The following NPHP4 variants were observed in gnomAD, a reference collection of about 807,000 sequenced individuals.
NPHP4 encodes the protein nephrocystin-4.
NPHP4 carries 151 observed loss-of-function variants against 155.8 expected under a neutral mutation model. The ratio of observed to expected loss-of-function variants is 0.97; its 90% CI spans 0.85 to 1.11. NPHP4 has a LOEUF of 1.11. NPHP4 is among the 50% of genes least tolerant of loss of function. The pLI is 0.00. For synonymous variants in NPHP4, 845 were observed against 816.8 expected, an observed-to-expected ratio of 1.03 and a Z score of -0.59; for missense variants, 1,956 against 1,925.7, an observed-to-expected ratio of 1.02 and a Z score of -0.29.
intron 3 of NPHP4, among the ~76,000 whole-genome samples, chr1:5,972,362 A>ATC (rs5772213): frequency 0.96 from 146,609 of 152,288 alleles, 70,671 homozygotes; most frequent in East Asian, 1. Context: ...GGGGGAGCCC[A>ATC]GATTTCCACA....
intron 5 of NPHP4, among the ~76,000 whole-genome samples, chr1:5,964,939 A>ATTTTTTTTTTTTTTTTTTTTT (rs1232148646): frequency 3.2e-5 from 2 of 62,706 alleles, no homozygotes; most frequent in Admixed American, 2.1e-4. Context: ...ATATATATAT[A>ATTTTTTTTTTTTTTTTTTTTT]TATTTTTTTT....
rs776912822 is a variant in NPHP4, at chr1:5,877,302, C to T, written c.2612-4G>A. Reference sequence around the variant, plus strand: ...TGTGCTTGCACCACGTGTTTTCCTGCGAAAGGGTCAGAGCGCGAGTCAGGT... The same window carrying T: ...TGTGCTTGCACCACGTGTTTTCCTGTGAAAGGGTCAGAGCGCGAGTCAGGT... On this transcript the variant is annotated splice_polypyrimidine_tract_variant and splice_region_variant and intron_variant, in intron 19 of 29. Coordinates refer to ENST00000378156, the MANE Select transcript of NPHP4 (RefSeq NM_015102.5). 23 of 1,587,040 alleles carry T rather than the reference C, an allele frequency of 1.4e-5. No homozygotes were observed. The highest frequency in any genetic ancestry group is 7.9e-5 in the South Asian group (7 of 88,728).
Position 5,909,223 on chromosome 1 carries a change from A to G in NPHP4, c.1442-10T>C. The G allele has an allele frequency of 6.3e-7, 1 of 1,599,156 alleles. No individual in the cohort carries two copies. The stretch of plus-strand genomic sequence containing the variant: ...ACTGGCGCTGGCGGGCCTGGGAGGA[A>G]GCACAGTGGGGTAGGAGAGGGAATG... On this transcript the variant is annotated splice_polypyrimidine_tract_variant and intron_variant, in intron 11 of 29. Transcript: ENST00000378156.
At chr1:5,951,315 A>G (rs1286652600) in intron 7 of NPHP4, among the ~76,000 whole-genome samples, 2 of 152,226 alleles carry the variant, frequency 1.3e-5, no homozygotes, top group Admixed American at 1.3e-4. Flanking sequence ...TGACGTGAAG[A>G]GGACTCGACG....
intron 3 of NPHP4, among the ~76,000 whole-genome samples, chr1:5,969,801 G>A (rs1460902314): frequency 6.6e-6 from 1 of 152,176 alleles, no homozygotes; most frequent in Non-Finnish European, 1.5e-5. Context: ...ACCATTTTGA[G>A]TTCCATCTGA....
At chr1:5,869,243 A>ACGCACCCGCATG (rs538869149) in intron 23 of NPHP4, among the ~76,000 whole-genome samples, 2 of 137,680 alleles carry the variant, frequency 1.5e-5, no homozygotes, top group East Asian at 2.1e-4. Context: ...GCACACACAC[A>ACGCACCCGCATG]CACACACACA....
intron 28 of NPHP4, 122 bp downstream of exon 28, chr1:5,864,216 C>G: frequency 8.6e-7 from 1 of 1,158,776 alleles, no homozygotes; most frequent in Non-Finnish European, 1.2e-6. Flanking sequence ...CTCATGCACC[C>G]GGCCCTGCTG....
Position 5,887,439 on chromosome 1 carries a change from C to T in NPHP4, c.2332G>A (p.Val778Met). Reference protein sequence around the residue: ...KHLLRQGRPAVQASHELEVVA... With the variant: ...KHLLRQGRPAMQASHELEVVA... ...ACCTCAAGCTCGTGGGAGGCCTGCA[C>T]AGCCGGCCGGCCTTGGCGGAGGAGA... Residue 778 changes from valine to methionine, a missense_variant, in exon 18 of 30, where the codon GTG (valine) becomes ATG (methionine). By Grantham distance (21) the Val-to-Met change is conservative (BLOSUM62 1). Coordinates refer to ENST00000378156, the MANE Select transcript of NPHP4 (RefSeq NM_015102.5). The T allele has an allele frequency of 6.2e-7, 1 of 1,613,268 alleles. No homozygotes were observed. The highest frequency in any genetic ancestry group is 1.1e-5 in the South Asian group (1 of 91,088).
At chr1:5,965,637 G>C (rs1307461063) in intron 5 of NPHP4, among the ~76,000 whole-genome samples, 1 of 152,136 alleles carries the variant, frequency 6.6e-6, no homozygotes, top group Non-Finnish European at 1.5e-5. Context: ...CTTGAAAACT[G>C]AGTTCCAGGA....
Position 5,874,537 on chromosome 1 carries a change from G to C in NPHP4, c.3165C>G (p.Pro1055=), listed in dbSNP as rs1166080060. ...GSLAPQLYLR[P]HETAHVPFKF... is the part of the protein sequence containing the mutation. ...TGAAGGGGACGTGGGCGGTCTCGTG[G>C]GGGCGCAGGTAGAGCTGGGGGGCCA... The change falls in exon 22 of 30, where the codon CCC becomes CCG. Residue 1055 remains proline (P), a synonymous_variant. Transcript: ENST00000378156. 3 of 1,597,842 alleles carry C rather than the reference G, an allele frequency of 1.9e-6. No individual in the cohort carries two copies. The highest frequency in any genetic ancestry group is 4.5e-5 in the East Asian group (2 of 44,128).
At chr1:5,985,396 G>A (rs1157466917) in intron 2 of NPHP4, among the ~76,000 whole-genome samples, 1 of 152,254 alleles carries the variant, frequency 6.6e-6, no homozygotes, top group African/African-American at 2.4e-5. Flanking sequence ...CAGCTGAAGG[G>A]CACAGATGGA....
intron 16 of NPHP4, among the ~76,000 whole-genome samples, chr1:5,894,145 A>G (rs575653967): frequency 6.6e-6 from 1 of 152,354 alleles, no homozygotes; most frequent in East Asian, 1.9e-4. Context: ...CTCTTGCCTC[A>G]GCACCTGGTT....
rs372858444 is a variant in NPHP4 at position 5,888,540 on chromosome 1, C to T, written c.2305-1074G>A. 8.8e-5 allele frequency: 118 copies of T among 1,346,762 alleles called. No individual in the cohort carries two copies. In the African/African-American group the frequency reaches 1.2e-3, roughly 13 times the overall value. The allele number at this position is 1,346,762 out of a possible 1,614,324, so 83.4% of individuals were successfully genotyped here. On this transcript the variant is annotated intron_variant, in intron 17 of 29. Transcript: ENST00000378156. ...TTGCCACACTCGTCTACACTGCATA[C>T]GATCACTGCATAGACATCGATGATT...
intron 11 of NPHP4, among the ~76,000 whole-genome samples, chr1:5,921,882 C>G (rs886766524): frequency 6.6e-6 from 1 of 152,228 alleles, no homozygotes; most frequent in Non-Finnish European, 1.5e-5. Flanking sequence ...CACGCCACAC[C>G]ATTTACTGAC....
intron 9 of NPHP4, among the ~76,000 whole-genome samples, chr1:5,943,957 G>A (rs1646954301): frequency 1.3e-5 from 2 of 152,108 alleles, no homozygotes; most frequent in South Asian, 2.1e-4. Context: ...CGATAAATTG[G>A]GGGTTGGAGG....
chr1:5,923,182 C>T (rs944454469), intron 11 of NPHP4, among the ~76,000 whole-genome samples: 2 of 152,198 alleles, frequency 1.3e-5, no homozygotes, highest in South Asian at 2.1e-4. Flanking sequence ...CCGGGATGAT[C>T]GGCCCCGGTG....
At chr1:5,864,887 C>T (rs1005992662) in intron 27 of NPHP4, 5 of 568,860 alleles carry the variant, frequency 8.8e-6, no homozygotes, top group Non-Finnish European at 1.6e-5. Context: ...ATTCTGAACA[C>T]CGGCCTTTGG....
intron 18 of NPHP4, among the ~76,000 whole-genome samples, chr1:5,883,875 G>GTCCGGACAGCT (rs113806070): frequency 0.062 from 9,369 of 152,220 alleles, 976 homozygotes; most frequent in African/African-American, 0.21. Flanking sequence ...GGCCAACTGG[G>GTCCGGACAGCT]CCTGGGGCAG....
intron 12 of NPHP4, among the ~76,000 whole-genome samples, chr1:5,907,427 T>C (rs1034507011): frequency 2.0e-5 from 3 of 152,190 alleles, no homozygotes; most frequent in East Asian, 1.9e-4. Context: ...AGAGAGGTGA[T>C]TCCATGATCT....
Sources: allele counts gnomAD v4.1 joint callset (sites outside exome capture counted in the v4.1 genomes callset), GRCh38; gene constraint gnomAD v4.1.1; transcripts MANE v1.5; gene names NCBI Gene and HGNC (gene_info 2026-07-23, HGNC 2026-07-21).